GPATCH2: variants seen among roughly 807,000 people sequenced by gnomAD.
The protein encoded by GPATCH2 is G-patch domain containing 2.
A neutral mutation model predicts 58.0 loss-of-function variants in GPATCH2; 51 were observed. That is an observed-to-expected ratio of 0.88 (90% CI 0.70 to 1.11). The LOEUF (loss-of-function observed/expected upper bound fraction) is 1.11. Among genes scored for constraint, GPATCH2 ranks in the 50% most tolerant of loss-of-function variants. GPATCH2 has a pLI of 0.00. For missense variants in GPATCH2, 625 were observed against 652.2 expected (o/e 0.96, Z 0.45); for synonymous variants, 222 against 218.5 (o/e 1.02, Z -0.14).
intron 5 of GPATCH2, among the ~76,000 whole-genome samples, chr1:217,552,487 A>T (rs1270188279): frequency 6.6e-6 from 1 of 152,152 alleles, no homozygotes; most frequent in Non-Finnish European, 1.5e-5. Flanking sequence ...CAGGAGGGCA[A>T]AGGGAGAAGA....
intron 8 of GPATCH2, among the ~76,000 whole-genome samples, chr1:217,466,638 C>A (rs1213329099): frequency 2.6e-5 from 4 of 152,102 alleles, no homozygotes; most frequent in Non-Finnish European, 5.9e-5. Flanking sequence ...TTCAATATTG[C>A]TCACAGTAGG....
rs76358930 is a variant in GPATCH2, at chr1:217,588,949, C to T, written c.1098+21372G>A. Among the ~76,000 whole-genome samples the T allele has an allele frequency of 0.016, 2,408 of 152,206 alleles. 125 individuals carry two copies. The East Asian group carries it at 0.16, about 10-fold the overall frequency. ...TAACAGTTATGCAGTCATCTGCTTA[C>T]GTGAACTAGGCTGCAAACAACTTTA... On this transcript the variant is annotated intron_variant, in intron 5 of 9. Coordinates refer to ENST00000366935, the MANE Select transcript of GPATCH2 (RefSeq NM_018040.5).
At chr1:217,581,950 G>GT (rs1667103511) in intron 5 of GPATCH2, among the ~76,000 whole-genome samples, 1 of 139,236 alleles carries the variant, frequency 7.2e-6, no homozygotes, top group African/African-American at 3.4e-5. Flanking sequence ...GACTCCGTCT[G>GT]GGGGGAAGAA....
rs562065872 is a variant in GPATCH2, at chr1:217,454,626, T to C, written c.1278-5289A>G. Reference sequence around the variant, plus strand: ...AAAAAAAAAACCTTTCCTTTTTTTTTCCTCCCCTTTTTGAGACAGAGTCTC... The same window carrying C: ...AAAAAAAAAACCTTTCCTTTTTTTTCCCTCCCCTTTTTGAGACAGAGTCTC... On this transcript the variant is annotated intron_variant, in intron 8 of 9. Coordinates refer to ENST00000366935, the MANE Select transcript of GPATCH2 (RefSeq NM_018040.5). Among the ~76,000 whole-genome samples, 10 of 150,406 alleles carry C rather than the reference T, an allele frequency of 6.6e-5. No homozygotes were observed. In the East Asian group the frequency reaches 1.2e-3, roughly 18 times the overall value.
intron 5 of GPATCH2, among the ~76,000 whole-genome samples, chr1:217,590,910 G>T (rs552123950): frequency 1.3e-5 from 2 of 152,138 alleles, no homozygotes; most frequent in African/African-American, 4.8e-5. Context: ...TCATGGATCT[G>T]GGAGAGGTTA....
intron 3 of GPATCH2, 90 bp from the exon 4 acceptor site, chr1:217,611,161 G>C (rs1400786886): frequency 8.7e-7 from 1 of 1,152,608 alleles, no homozygotes; most frequent in Non-Finnish European, 1.2e-6. Context: ...AAAAATACAA[G>C]ATGGCAGTTA....
intron 5 of GPATCH2, among the ~76,000 whole-genome samples, chr1:217,543,895 A>C (rs1001725887): frequency 6.6e-6 from 1 of 152,144 alleles, no homozygotes; most frequent in African/African-American, 2.4e-5. Flanking sequence ...CCAAGAAGAG[A>C]ATCCTTCAAG....
At chr1:217,587,513 A>G (rs767601281) in intron 5 of GPATCH2, among the ~76,000 whole-genome samples, 1 of 152,222 alleles carries the variant, frequency 6.6e-6, no homozygotes, top group African/African-American at 2.4e-5. Flanking sequence ...AGGAGAACCA[A>G]TGAAAATTTT....
At chr1:217,611,097 C>A (rs777403521) in intron 3 of GPATCH2, 26 bp from the exon 4 acceptor site, 8 of 1,582,686 alleles carry the variant, frequency 5.1e-6, no homozygotes, top group Middle Eastern at 1.7e-4. Context: ...AAACCCCCCC[C>A]CACCAAAGAC....
intron 5 of GPATCH2, among the ~76,000 whole-genome samples, chr1:217,578,764 A>G (rs1334476629): frequency 6.6e-6 from 1 of 152,232 alleles, no homozygotes; most frequent in African/African-American, 2.4e-5. Flanking sequence ...AATTAATGGC[A>G]TATCATGACA....
chr1:217,432,563 C>T (rs3790725), intron 9 of GPATCH2, among the ~76,000 whole-genome samples: 46,406 of 151,938 alleles, frequency 0.31, 7,358 homozygotes, highest in Middle Eastern at 0.44. Context: ...CTTTCCTTGA[C>T]TGGTTCATTT....
intron 5 of GPATCH2, among the ~76,000 whole-genome samples, chr1:217,599,796 TATAAA>T (rs1196424662): frequency 1.3e-5 from 2 of 152,238 alleles, no homozygotes; most frequent in Non-Finnish European, 2.9e-5. Context: ...TGACAAATGA[TATAAA>T]ATACTTTTGT....
At chr1:217,509,244 G>A (rs887413602) in intron 6 of GPATCH2, among the ~76,000 whole-genome samples, 3 of 152,088 alleles carry the variant, frequency 2.0e-5, no homozygotes, top group African/African-American at 7.2e-5. Context: ...AGGAGGCTGA[G>A]GCACAAGAAT....
chr1:217,605,394 TATAA>T (rs1291454306), intron 5 of GPATCH2, among the ~76,000 whole-genome samples: 3 of 152,214 alleles, frequency 2.0e-5, no homozygotes, highest in South Asian at 2.1e-4. Flanking sequence ...GATAAACATG[TATAA>T]ATAGTCAATT....
intron 5 of GPATCH2, among the ~76,000 whole-genome samples, chr1:217,582,406 T>A (rs1440496768): frequency 6.6e-6 from 1 of 152,236 alleles, no homozygotes; most frequent in East Asian, 1.9e-4. Context: ...ATGTCACTGT[T>A]TTTGATAGTA....
chr1:217,506,453 A>G (rs1662568089), intron 6 of GPATCH2, among the ~76,000 whole-genome samples: 4 of 152,182 alleles, frequency 2.6e-5, no homozygotes, highest in African/African-American at 4.8e-5. Context: ...AGATATGGAA[A>G]TAAAAATTAG....
intron 8 of GPATCH2, among the ~76,000 whole-genome samples, chr1:217,449,590 A>G (rs532499608): frequency 6.6e-6 from 1 of 152,358 alleles, no homozygotes; most frequent in African/African-American, 2.4e-5. Flanking sequence ...AAAACTGGCA[A>G]TCTTTCTGGC....
intron 5 of GPATCH2, among the ~76,000 whole-genome samples, chr1:217,581,891 C>CA (rs1457310174): frequency 6.6e-6 from 1 of 152,180 alleles, no homozygotes; most frequent in Non-Finnish European, 1.5e-5. Context: ...GCAGAGGTTG[C>CA]AGTGAGCCAA....
At chr1:217,437,467 A>G (rs940620693) in intron 9 of GPATCH2, among the ~76,000 whole-genome samples, 2 of 152,196 alleles carry the variant, frequency 1.3e-5, no homozygotes, top group African/African-American at 4.8e-5. Flanking sequence ...AAGCCCAACA[A>G]GCTAAGATCC....
Sources: allele counts gnomAD v4.1 joint callset (sites outside exome capture counted in the v4.1 genomes callset), GRCh38; gene constraint gnomAD v4.1.1; transcripts MANE v1.5; gene names NCBI Gene and HGNC (gene_info 2026-07-23, HGNC 2026-07-21).